The following OTUD7A variants were observed in gnomAD, a reference collection of about 807,000 sequenced individuals.
OTUD7A encodes the protein OTU domain-containing protein 7A.
OTUD7A carries 12 observed loss-of-function variants against 65.7 expected under a neutral mutation model. The observed-to-expected ratio is 0.18, with a 90% CI of 0.12 to 0.30. The LOEUF (loss-of-function observed/expected upper bound fraction) is 0.30, where lower values mean the gene tolerates loss of function less well. Among genes scored for constraint, OTUD7A ranks in the 10% least tolerant of loss-of-function variants. OTUD7A has a pLI of 1.00. For synonymous variants in OTUD7A, 641 were observed against 586.3 expected (o/e 1.09, Z -1.35); for missense variants, 1,148 against 1,304.8 (o/e 0.88, Z 1.85).
chr15:31,811,634 C>T (rs546679129), intron 1 of OTUD7A, among the ~76,000 whole-genome samples: 63 of 152,154 alleles, frequency 4.1e-4, no homozygotes, highest in South Asian at 2.3e-3. Flanking sequence ...GGATCTCCAC[C>T]GCACTCCCGG....
intron 1 of OTUD7A, among the ~76,000 whole-genome samples, chr15:31,699,689 G>A (rs575253122): frequency 3.0e-4 from 45 of 152,102 alleles, no homozygotes; most frequent in Admixed American, 1.8e-3. Context: ...AGCCCGTATC[G>A]GCCTCAGTGT....
At position 31,559,063 on chromosome 15, in the gene OTUD7A, C is replaced by T. The variant is rs761969507; in HGVS notation, c.456G>A (p.Gln152=). The T allele has an allele frequency of 3.1e-6, 5 of 1,614,222 alleles. No homozygotes were observed. The highest frequency in any genetic ancestry group is 1.1e-5 in the South Asian group (1 of 91,084). ...FPLEMPIYTF[Q]LPDLSVYSED... Reference sequence around the variant, plus strand: ...CGCTGTACACGCTCAGGTCTGGCAACTGGAATGTGTAGATTGGCATCTCCA... The same window carrying T: ...CGCTGTACACGCTCAGGTCTGGCAATTGGAATGTGTAGATTGGCATCTCCA... The change falls in exon 5 of 13, where the codon CAG becomes CAA. Residue 152 remains glutamine, a synonymous_variant. Coordinates refer to ENST00000307050, the MANE Select transcript of OTUD7A (RefSeq NM_001382637.1).
At chr15:31,509,117 T>A (rs1349989383) in intron 8 of OTUD7A, among the ~76,000 whole-genome samples, 2 of 152,152 alleles carry the variant, frequency 1.3e-5, no homozygotes, top group East Asian at 3.8e-4. Context: ...TTTTATAGAC[T>A]TTTTAAAACT....
chr15:31,504,897 CT>C (rs35439992), intron 8 of OTUD7A, among the ~76,000 whole-genome samples: 2,954 of 148,580 alleles, frequency 0.02, 111 homozygotes, highest in African/African-American at 0.069. Flanking sequence ...CTCAATTTAC[CT>C]TTTTTTTTTT....
intron 1 of OTUD7A, among the ~76,000 whole-genome samples, chr15:31,840,265 CAAAT>C (rs573866593): frequency 6.6e-6 from 1 of 151,556 alleles, no homozygotes; most frequent in Non-Finnish European, 1.5e-5. Context: ...ACTAAAAATA[CAAAT>C]AAATAAATAA....
At chr15:31,777,801 G>A (rs1349694879) in intron 1 of OTUD7A, among the ~76,000 whole-genome samples, 3 of 152,212 alleles carry the variant, frequency 2.0e-5, no homozygotes, top group African/African-American at 7.2e-5. Flanking sequence ...CACAAACTCT[G>A]AAAGCTGTGT....
At chr15:31,683,375 A>G (rs1177543918) in intron 1 of OTUD7A, among the ~76,000 whole-genome samples, 1 of 152,192 alleles carries the variant, frequency 6.6e-6, no homozygotes, top group African/African-American at 2.4e-5. Context: ...TTTATGACCT[A>G]ATAATCTAGT....
chr15:31,855,259 G>C (rs565160769), intron 1 of OTUD7A, among the ~76,000 whole-genome samples: 1 of 152,262 alleles, frequency 6.6e-6, no homozygotes, highest in East Asian at 1.9e-4. Context: ...TGAACATCTA[G>C]GCAAAACAGG....
At chr15:31,857,854 A>T (rs1233807881) in intron 1 of OTUD7A, among the ~76,000 whole-genome samples, 1 of 152,210 alleles carries the variant, frequency 6.6e-6, no homozygotes, top group Non-Finnish European at 1.5e-5. Context: ...CTGAACCACA[A>T]GCCCTCTCTA....
chr15:31,551,089 G>A (rs1161388676), intron 5 of OTUD7A, among the ~76,000 whole-genome samples: 1 of 151,970 alleles, frequency 6.6e-6, no homozygotes, highest in Admixed American at 6.5e-5. Flanking sequence ...ATGTAAGCCA[G>A]CTTCTAGAAG....
chr15:31,591,072 C>T lies in OTUD7A; in HGVS notation c.152-20875G>A, dbSNP rs898241455. Among the ~76,000 whole-genome samples the T allele has an allele frequency of 1.4e-4, 21 of 152,064 alleles. 1 individual carries two copies. The South Asian group carries it at 2.5e-3, about 18-fold the overall frequency. ...GCCAGGGGGTCTGCACAAGGGCTGA[C>T]ACATCCTGCTATTTGTGAGCGAGGA... On this transcript the variant is annotated intron_variant, in intron 3 of 12. Transcript: ENST00000307050.
At chr15:31,839,501 G>A (rs143485106) in intron 1 of OTUD7A, among the ~76,000 whole-genome samples, 322 of 152,268 alleles carry the variant, frequency 2.1e-3, no homozygotes, top group Middle Eastern at 3.4e-3. Context: ...CCTAATTTGA[G>A]GTGGTAAAAC....
intron 1 of OTUD7A, among the ~76,000 whole-genome samples, chr15:31,677,098 C>T (rs1259714070): frequency 2.0e-5 from 3 of 152,178 alleles, no homozygotes; most frequent in African/African-American, 2.4e-5. Context: ...ATGGAAGGAA[C>T]GTGAGCCATT....
intron 4 of OTUD7A, 61 bp from the exon 5 acceptor site, chr15:31,559,248 T>C: frequency 6.8e-7 from 1 of 1,471,970 alleles, no homozygotes; most frequent in South Asian, 1.3e-5. Flanking sequence ...TGGCTCTATG[T>C]ACATAAACAC....
intron 1 of OTUD7A, among the ~76,000 whole-genome samples, chr15:31,701,410 A>C (rs529194636): frequency 6.6e-6 from 1 of 151,662 alleles, no homozygotes; most frequent in Admixed American, 6.5e-5. Context: ...TTATAATTTA[A>C]AAATATATTT....
chr15:31,627,410 G>C (rs894358793), intron 3 of OTUD7A, among the ~76,000 whole-genome samples: 1 of 151,924 alleles, frequency 6.6e-6, no homozygotes, highest in African/African-American at 2.4e-5. Context: ...TCCCTACAAA[G>C]GACATGAACT....
At chr15:31,760,405 A>G (rs1894929480) in intron 1 of OTUD7A, among the ~76,000 whole-genome samples, 1 of 152,228 alleles carries the variant, frequency 6.6e-6, no homozygotes, top group African/African-American at 2.4e-5. Flanking sequence ...CTTTATAGCA[A>G]CAATCTTTGA....
intron 1 of OTUD7A, chr15:31,766,620 C>A (rs1305202156): frequency 3.7e-6 from 6 of 1,606,676 alleles, no homozygotes; most frequent in Non-Finnish European, 4.3e-6. Context: ...AATAACTATT[C>A]CTTCTTGTAC....
At chr15:31,618,405 A>C (rs1255676981) in intron 3 of OTUD7A, among the ~76,000 whole-genome samples, 2 of 152,214 alleles carry the variant, frequency 1.3e-5, no homozygotes, top group African/African-American at 4.8e-5. Context: ...ACAATGTAAA[A>C]GTGTTCCTAT....
Sources: gnomAD v4.1 joint callset for allele counts (sites outside exome capture counted in the v4.1 genomes callset) on GRCh38, gnomAD v4.1.1 for gene constraint, MANE v1.5 for transcripts, NCBI Gene and HGNC (gene_info 2026-07-23, HGNC 2026-07-21) for gene names.